Variants in OPRM1 observed in about 807,000 individuals in gnomAD.
OPRM1 encodes opioid receptor mu 1.
A neutral mutation model predicts 31.8 loss-of-function variants in OPRM1; 27 were observed. That is an observed-to-expected ratio of 0.85 (90% CI 0.63 to 1.17). The LOEUF is 1.17. OPRM1 is among the 50% of genes most tolerant of loss of function. The pLI is 0.00. For missense variants in OPRM1, 536 were observed against 511.1 expected (o/e 1.05, Z -0.47); for synonymous variants, 196 against 189.9 (o/e 1.03, Z -0.26).
intron 3 of OPRM1, among the ~76,000 whole-genome samples, chr6:154,112,969 T>C (rs1796500175): frequency 6.6e-6 from 1 of 152,216 alleles, no homozygotes; most frequent in African/African-American, 2.4e-5. Flanking sequence ...AGAAGACTAA[T>C]AGGTCAAATT....
At chr6:154,027,177 C>T (rs1367397031) in intron 1 of OPRM1, among the ~76,000 whole-genome samples, 4 of 152,204 alleles carry the variant, frequency 2.6e-5, no homozygotes, top group Non-Finnish European at 5.9e-5. Context: ...AGCACCTCAA[C>T]CCCAGTAATG....
chr6:154,099,888 AT>A (rs1242854157), intron 3 of OPRM1, among the ~76,000 whole-genome samples: 2 of 145,408 alleles, frequency 1.4e-5, no homozygotes, highest in Non-Finnish European at 3.0e-5. Context: ...ATCATAACAT[AT>A]TATATATTAT....
intron 3 of OPRM1, among the ~76,000 whole-genome samples, chr6:154,152,699 C>A (rs1353692331): frequency 6.6e-6 from 1 of 152,122 alleles, no homozygotes; most frequent in Non-Finnish European, 1.5e-5. Flanking sequence ...GTCCCCATTG[C>A]ACCTGTGCAC....
chr6:154,038,990 G>C, upstream of OPRM1: 1 of 680,786 alleles, frequency 1.5e-6, no homozygotes, highest in South Asian at 2.4e-5. Flanking sequence ...AAGAGCATTG[G>C]GGTTTTAGGG....
intron 3 of OPRM1, among the ~76,000 whole-genome samples, chr6:154,153,760 G>A (rs1389866719): frequency 6.6e-6 from 1 of 151,798 alleles, no homozygotes; most frequent in Non-Finnish European, 1.5e-5. Context: ...TGACACCGAA[G>A]CTGGAGGAAG....
chr6:154,144,683 G>A (rs1440635446), intron 3 of OPRM1, among the ~76,000 whole-genome samples: 1 of 147,448 alleles, frequency 6.8e-6, no homozygotes, highest in Non-Finnish European at 1.5e-5. Flanking sequence ...AGGAGGTGTA[G>A]GTTGCTGTGA....
intron 3 of OPRM1, among the ~76,000 whole-genome samples, chr6:154,175,314 A>C (rs563205037): frequency 6.6e-6 from 1 of 152,210 alleles, no homozygotes; most frequent in African/African-American, 2.4e-5. Context: ...GCAAGAAATA[A>C]CTAAGATCAG....
intron 1 of OPRM1, among the ~76,000 whole-genome samples, chr6:154,026,814 T>G (rs1286040616): frequency 2.6e-5 from 4 of 152,220 alleles, no homozygotes; most frequent in South Asian, 2.1e-4. Context: ...ATTATTTTAA[T>G]CTCTGTTAAA....
At position 154,123,224 on chromosome 6, in the gene OPRM1, C is replaced by T. The variant is rs1797399129; in HGVS notation, c.*4503C>T. On this transcript the variant is annotated 3_prime_UTR_variant, in exon 4 of 4. Coordinates refer to ENST00000330432, the MANE Select transcript of OPRM1 (RefSeq NM_000914.5). ...GGGGTGTCTCTAGGCGAGCACAAAG[C>T]ATAGCTTCTCTTGTTGTATAATTGT... 6.6e-6 allele frequency among the ~76,000 whole-genome samples: 1 copy of T among 152,160 alleles called. No individual in the cohort carries two copies. The highest frequency in any genetic ancestry group is 2.4e-5 in the African/African-American group (1 of 41,436).
At chr6:154,101,162 G>A (rs1019036643) in intron 3 of OPRM1, among the ~76,000 whole-genome samples, 2 of 152,048 alleles carry the variant, frequency 1.3e-5, no homozygotes, top group Non-Finnish European at 2.9e-5. Flanking sequence ...AAAGGTGGAT[G>A]TGGGATGAGA....
At chr6:154,073,461 T>C (rs1448974215) in intron 1 of OPRM1, 1 of 152,238 alleles carries the variant, frequency 6.6e-6, no homozygotes, top group Non-Finnish European at 1.5e-5. Flanking sequence ...TCTGTTTTTA[T>C]TGAAAACTGC....
chr6:154,097,784 T>C (rs1264222412), intron 3 of OPRM1, among the ~76,000 whole-genome samples: 1 of 152,222 alleles, frequency 6.6e-6, no homozygotes, highest in African/African-American at 2.4e-5. Flanking sequence ...AAAATTTGGC[T>C]TTTAGACTAT....
chr6:154,019,183 T>C (rs1267986088), intron 1 of OPRM1, among the ~76,000 whole-genome samples: 2 of 53,410 alleles, frequency 3.7e-5, no homozygotes, highest in African/African-American at 6.6e-5. Flanking sequence ...CCTGTTGTGC[T>C]TTTTTTTTTT....
rs779092506 is a variant in OPRM1 at position 154,093,331 on chromosome 6, C to T, written c.1164+1859C>T. The T allele has an allele frequency of 6.2e-6, 10 of 1,614,018 alleles. No individual in the cohort carries two copies. The South Asian group carries it at 6.6e-5, about 11-fold the overall frequency. ...GAGCAAGGCTGCTTGGTTGTGTACC[C>T]TGGACCACTGCAAGGACCTCTTGTC... On this transcript the variant is annotated intron_variant, in intron 3 of 3. Transcript: ENST00000330432.
rs375485528 is a variant in OPRM1 at position 154,039,867 on chromosome 6, T to C, written c.290+33T>C. The C allele has an allele frequency of 1.8e-5, 28 of 1,542,382 alleles. No homozygotes were observed. The African/African-American group carries it at 2.3e-4, about 13-fold the overall frequency. ...AAGCGCCAGGGCTCCGAGCGGAGGG[T>C]TCAGCGGCTTAAGGGGGTACAAAGA... On this transcript the variant is annotated intron_variant, in intron 1 of 3. Transcript: ENST00000330432.
rs773639360 is a variant in OPRM1, at chr6:154,039,522, G to T, written c.-23G>T. 6.9e-6 allele frequency: 11 copies of T among 1,597,268 alleles called. No homozygotes were observed. In the African/African-American group the frequency reaches 8.0e-5, roughly 12 times the overall value. On this transcript the variant is annotated 5_prime_UTR_variant, in exon 1 of 4. Transcript: ENST00000330432. ...GTGCTCCTGGCTACCTCGCACAGCG[G>T]TGCCCGCCCGGCCGTCAGTACCATG...
rs1163891044 is a variant in OPRM1 at position 154,187,215 on chromosome 6, A to T, written c.1165-59478A>T. On this transcript the variant is annotated intron_variant, in intron 3 of 3. Coordinates refer to the OPRM1 transcript ENST00000337049. ...CTTATCAGAGAGATTTTCCAGGACT[A>T]CCAATGTAAAATCACACACCCCACC... Among the ~76,000 whole-genome samples the T allele has an allele frequency of 2.5e-3, 383 of 152,194 alleles. 2 individuals are homozygous for T. Among genetic ancestry groups the T allele is most frequent in the African/African-American group, 9.1e-3 (377 of 41,526 alleles).
intron 1 of OPRM1, among the ~76,000 whole-genome samples, chr6:154,067,528 AT>A (rs1365738944): frequency 6.6e-6 from 1 of 151,800 alleles, no homozygotes; most frequent in Admixed American, 6.6e-5. Context: ...GATACTGTAT[AT>A]AATATTTATT....
At chr6:154,208,111 T>C (rs1357299270) in intron 3 of OPRM1, among the ~76,000 whole-genome samples, 1 of 152,162 alleles carries the variant, frequency 6.6e-6, no homozygotes. Flanking sequence ...GGAAGTTGAT[T>C]ATATCCCTCC....
Sources: allele counts gnomAD v4.1 joint callset (sites outside exome capture counted in the v4.1 genomes callset), GRCh38; gene constraint gnomAD v4.1.1; transcripts MANE v1.5; gene names NCBI Gene and HGNC (gene_info 2026-07-23, HGNC 2026-07-21).